Variants in NRG3 observed in about 807,000 individuals in gnomAD.
NRG3 encodes the protein neuregulin 3, also known as pro-neuregulin-3, membrane-bound isoform.
In NRG3, 31 loss-of-function variants were observed where a neutral mutation model predicts 66.9. The observed-to-expected ratio is 0.46, with a 90% confidence interval of 0.35 to 0.63. NRG3 has a LOEUF of 0.63. NRG3 is among the 20% of genes least tolerant of loss of function. The probability of loss-of-function intolerance (pLI) is 0.00; values close to 1 mark genes in which losing one functional copy is unlikely to be tolerated. For missense variants in NRG3, 910 were observed against 878.9 expected (o/e 1.04, Z -0.45); for synonymous variants, 393 against 359.4 (o/e 1.09, Z -1.06).
At chr10:82,617,409 G>A (rs554139152) in intron 2 of NRG3, among the ~76,000 whole-genome samples, 19 of 151,914 alleles carry the variant, frequency 1.3e-4, no homozygotes, top group East Asian at 5.8e-4. Flanking sequence ...ACGGCCAGCC[G>A]AAGTTTGGAG....
chr10:82,314,947 C>G (rs527718818), intron 1 of NRG3, among the ~76,000 whole-genome samples: 30 of 152,206 alleles, frequency 2.0e-4, no homozygotes, highest in African/African-American at 6.3e-4. Flanking sequence ...TCTCTAGGAC[C>G]TCATTTTTTA....
intron 4 of NRG3, among the ~76,000 whole-genome samples, chr10:82,913,430 A>G (rs758911251): frequency 6.6e-6 from 1 of 151,956 alleles, no homozygotes; most frequent in Non-Finnish European, 1.5e-5. Flanking sequence ...AGTTTCTGAC[A>G]TATAATTTTC....
chr10:81,910,050 T>C (rs568721999), intron 1 of NRG3, among the ~76,000 whole-genome samples: 1 of 152,304 alleles, frequency 6.6e-6, no homozygotes, highest in Admixed American at 6.5e-5. Flanking sequence ...TTTAAAAACA[T>C]CTAAACTCAT....
At chr10:82,530,239 T>C (rs142947498) in intron 2 of NRG3, among the ~76,000 whole-genome samples, 1,673 of 152,232 alleles carry the variant, frequency 0.011, 18 homozygotes, top group Middle Eastern at 0.068. Flanking sequence ...AATGTTCTTA[T>C]TAAATTATGG....
At chr10:82,974,989 G>A (rs995216935) in intron 7 of NRG3, among the ~76,000 whole-genome samples, 1 of 152,124 alleles carries the variant, frequency 6.6e-6, no homozygotes, top group Non-Finnish European at 1.5e-5. Flanking sequence ...GTAGAGACTA[G>A]AACACTGAGA....
At chr10:82,520,019 T>C (rs944457871) in intron 2 of NRG3, among the ~76,000 whole-genome samples, 1 of 152,096 alleles carries the variant, frequency 6.6e-6, no homozygotes, top group African/African-American at 2.4e-5. Flanking sequence ...AGTAGTAGTT[T>C]AAATGAATAT....
At chr10:82,559,615 T>C (rs1191169333) in intron 2 of NRG3, among the ~76,000 whole-genome samples, 1 of 152,214 alleles carries the variant, frequency 6.6e-6, no homozygotes, top group African/African-American at 2.4e-5. Flanking sequence ...GTATGTTTCC[T>C]ACAGCAGATC....
At chr10:82,655,880 A>T (rs1033106200) in intron 2 of NRG3, among the ~76,000 whole-genome samples, 1 of 152,192 alleles carries the variant, frequency 6.6e-6, no homozygotes, top group African/African-American at 2.4e-5. Flanking sequence ...CACAAACAAG[A>T]TGTCAGGACA....
At chr10:81,929,870 T>C (rs1014622963) in intron 1 of NRG3, among the ~76,000 whole-genome samples, 4 of 152,208 alleles carry the variant, frequency 2.6e-5, no homozygotes, top group African/African-American at 7.2e-5. Flanking sequence ...TTTAATTGGG[T>C]TCATTTCAAG....
chr10:82,911,851 C>T (rs1388936542), intron 4 of NRG3, among the ~76,000 whole-genome samples: 1 of 151,726 alleles, frequency 6.6e-6, no homozygotes, highest in African/African-American at 2.4e-5. Context: ...GATCTTTCTT[C>T]TTTTCTAATA....
chr10:81,875,937 G>A lies in NRG3; in HGVS notation c.597G>A (p.Pro199=), dbSNP rs1483612687. 3.1e-6 allele frequency: 5 copies of A among 1,613,584 alleles called. 1 individual carries two copies. Among genetic ancestry groups the A allele is most frequent in the Non-Finnish European group, 4.2e-6 (5 of 1,180,026 alleles). The change falls in exon 1 of 9, where the codon CCG becomes CCA. Residue 199 remains proline, a synonymous_variant. Coordinates refer to ENST00000372141, the MANE Select transcript of NRG3 (RefSeq NM_001010848.4). The surrounding 1 kb of genome is among the most constrained non-coding windows in gnomAD (Gnocchi z 5.3). The part of the protein sequence containing the change: ...APATVPSTTA[P]FFSSSTLGSR... ...CGACGGTCCCGTCCACCACGGCCCC[G>A]TTCTTCAGTAGCAGCACGCTGGGCT...
intron 1 of NRG3, among the ~76,000 whole-genome samples, chr10:81,890,409 TTTTA>T (rs1270948985): frequency 2.6e-5 from 4 of 152,306 alleles, no homozygotes; most frequent in Middle Eastern, 3.4e-3. Flanking sequence ...AATTTAAGTA[TTTTA>T]TTTGAGCACT....
intron 3 of NRG3, among the ~76,000 whole-genome samples, chr10:82,812,138 A>C (rs920672114): frequency 3.3e-5 from 5 of 152,184 alleles, no homozygotes; most frequent in Admixed American, 6.5e-5. Flanking sequence ...AATTATGTGG[A>C]GATCTTGTTG....
chr10:81,927,256 TTTTTTC>T (rs1846896661), intron 1 of NRG3, among the ~76,000 whole-genome samples: 1 of 152,188 alleles, frequency 6.6e-6, no homozygotes, highest in African/African-American at 2.4e-5. Context: ...CTGTTTCTCT[TTTTTTC>T]TTGCCTTCAT....
intron 2 of NRG3, among the ~76,000 whole-genome samples, chr10:82,549,030 T>C (rs1279219426): frequency 6.6e-6 from 1 of 152,208 alleles, no homozygotes; most frequent in Non-Finnish European, 1.5e-5. Context: ...ACAGTGGAAC[T>C]GGAACTGACT....
intron 1 of NRG3, among the ~76,000 whole-genome samples, chr10:82,039,996 A>G (rs183659514): frequency 2.0e-5 from 3 of 150,534 alleles, no homozygotes. Context: ...TGTAGATTAA[A>G]TACTGCTCCA....
At chr10:82,937,320 T>G (rs555995159) in intron 4 of NRG3, among the ~76,000 whole-genome samples, 5 of 152,192 alleles carry the variant, frequency 3.3e-5, no homozygotes, top group Non-Finnish European at 1.5e-5. Flanking sequence ...AGTGACCCAG[T>G]AGGCAGATAT....
intron 4 of NRG3, among the ~76,000 whole-genome samples, chr10:82,899,655 A>G (rs1844017866): frequency 6.6e-6 from 1 of 152,206 alleles, no homozygotes; most frequent in Non-Finnish European, 1.5e-5. Context: ...AGGAACTAGC[A>G]TGGCCCTTTT....
At chr10:82,983,112 C>T (rs999896452) in intron 8 of NRG3, among the ~76,000 whole-genome samples, 2 of 152,164 alleles carry the variant, frequency 1.3e-5, no homozygotes, top group Non-Finnish European at 2.9e-5. Flanking sequence ...CATCACATAT[C>T]AACTTACCAG....
Sources: gnomAD v4.1 joint callset for allele counts (sites outside exome capture counted in the v4.1 genomes callset) on GRCh38, gnomAD v4.1.1 for gene constraint, Gnocchi (gnomAD v3.1) non-coding constraint, MANE v1.5 for transcripts, NCBI Gene and HGNC (gene_info 2026-07-23, HGNC 2026-07-21) for gene names.